The following ZHX3 variants were observed in gnomAD, a reference collection of about 807,000 sequenced individuals.
ZHX3 encodes zinc fingers and homeoboxes protein 3.
ZHX3 carries 20 observed loss-of-function variants against 64.5 expected under a neutral mutation model. The ratio of observed to expected loss-of-function variants is 0.31; its 90% CI spans 0.22 to 0.45. The LOEUF (loss-of-function observed/expected upper bound fraction) is 0.45. ZHX3 is among the 20% of genes least tolerant of loss of function. ZHX3 has a pLI of 1.00. For synonymous variants in ZHX3, 423 were observed against 461.6 expected (o/e 0.92, Z 1.07); for missense variants, 1,041 against 1,195.8 (o/e 0.87, Z 1.91).
intron 3 of ZHX3, among the ~76,000 whole-genome samples, chr20:41,186,433 T>C (rs1159483199): frequency 6.6e-6 from 1 of 152,232 alleles, no homozygotes; most frequent in East Asian, 1.9e-4. Context: ...TTGGCTACTG[T>C]GAATAATGCC....
chr20:41,275,920 AATT>A (rs1282640008), intron 1 of ZHX3, among the ~76,000 whole-genome samples: 2 of 152,232 alleles, frequency 1.3e-5, no homozygotes, highest in African/African-American at 4.8e-5. Flanking sequence ...AATAAAAATA[AATT>A]TATAAAAACA....
At chr20:41,267,121 A>T (rs966180875) in intron 2 of ZHX3, among the ~76,000 whole-genome samples, 5 of 152,264 alleles carry the variant, frequency 3.3e-5, no homozygotes, top group African/African-American at 4.8e-5. Flanking sequence ...TGCTGGGATT[A>T]CAGGCGTGAG....
chr20:41,185,984 G>GA lies in ZHX3; in HGVS notation c.2861-784dup, dbSNP rs893224585. ...CATCACATTTCCATGTTGACTTTAAGAAAAAAACCATGGTAAAATATAAAT... is the reference window on the plus strand; with the variant it reads ...CATCACATTTCCATGTTGACTTTAAGAAAAAAAACCATGGTAAAATATAAAT... On this transcript the variant is annotated intron_variant, in intron 3 of 3. Coordinates refer to ENST00000683867, the MANE Select transcript of ZHX3 (RefSeq NM_001384317.1). This position sits in a 1 kb window ranked among gnomAD's most constrained non-coding sequence, Gnocchi z 5.0. Among the ~76,000 whole-genome samples, 1 of 152,020 alleles carries GA rather than the reference G, an allele frequency of 6.6e-6. No homozygotes were observed. The highest frequency in any genetic ancestry group is 6.5e-5 in the Admixed American group (1 of 15,280).
In ZHX3 at chr20:41,202,913, A is replaced by G; in HGVS notation, c.2004T>C (p.Asn668=). 1.2e-6 allele frequency: 2 copies of G among 1,613,956 alleles called. No homozygotes were observed. The highest frequency in any genetic ancestry group is 1.7e-6 in the Non-Finnish European group (2 of 1,180,004). Residue 668 remains asparagine (N), a synonymous_variant, in exon 3 of 4, where the codon AAT becomes AAC. Transcript: ENST00000683867. This position sits in a 1 kb window ranked among gnomAD's most constrained non-coding sequence, Gnocchi z 7.0. ...CCTCAGCCTTCTTGGTCTCCTCAGC[A>G]TTCACTTTTTTCCGTCTCTCTGAAA... is the stretch of plus-strand genomic sequence containing the variant. ...SWFSERRKKV[N]AEETKKAEEN... is the part of the protein sequence containing the mutation.
At chr20:41,240,511 G>A (rs2041309398) in intron 2 of ZHX3, among the ~76,000 whole-genome samples, 1 of 152,042 alleles carries the variant, frequency 6.6e-6, no homozygotes, top group Non-Finnish European at 1.5e-5. Context: ...GGAATTCATC[G>A]CCTCAAGTAT....
chr20:41,218,100 G>A (rs988627283), intron 2 of ZHX3, among the ~76,000 whole-genome samples: 8 of 151,810 alleles, frequency 5.3e-5, no homozygotes, highest in South Asian at 2.1e-4. Context: ...CTATGGTTCC[G>A]TCATTGCATT....
chr20:41,200,075 C>T lies in ZHX3; in HGVS notation c.2860+1982G>A, dbSNP rs2038094159. ...AACAGTCTGCACCAGGAACATTTTC[C>T]ACAGTTGCCTGCTGCAGAGCTTGCG... On this transcript the variant is annotated intron_variant, in intron 3 of 3. Transcript: ENST00000683867. This position sits in a 1 kb window ranked among gnomAD's most constrained non-coding sequence, Gnocchi z 4.2. Among the ~76,000 whole-genome samples, 1 of 151,848 alleles carries T rather than the reference C, an allele frequency of 6.6e-6. No homozygotes were observed. Among genetic ancestry groups the T allele is most frequent in the Non-Finnish European group, 1.5e-5 (1 of 68,018 alleles).
intron 2 of ZHX3, among the ~76,000 whole-genome samples, chr20:41,215,770 TAAAAA>T (rs55922605): frequency 7.9e-5 from 8 of 101,166 alleles, no homozygotes; most frequent in African/African-American, 3.1e-4. Context: ...ACGTCTCTAC[TAAAAA>T]AAAAAAAAAA....
chr20:41,217,561 A>G (rs1351299949), intron 2 of ZHX3, among the ~76,000 whole-genome samples: 2 of 152,182 alleles, frequency 1.3e-5, no homozygotes, highest in African/African-American at 2.4e-5. Context: ...CAAAAATCAG[A>G]TGCAGCCACC....
At chr20:41,301,123 G>A (rs2044786710) in intron 1 of ZHX3, among the ~76,000 whole-genome samples, 1 of 152,170 alleles carries the variant, frequency 6.6e-6, no homozygotes, top group South Asian at 2.1e-4. Context: ...CAGGAAGCCT[G>A]GCTAAGAACA....
intron 2 of ZHX3, among the ~76,000 whole-genome samples, chr20:41,223,151 A>G (rs2040058094): frequency 6.6e-6 from 1 of 152,206 alleles, no homozygotes; most frequent in Non-Finnish European, 1.5e-5. Context: ...GGCTTGAAAC[A>G]TTGGATAATA....
At chr20:41,264,033 A>C (rs1234904541) in intron 2 of ZHX3, among the ~76,000 whole-genome samples, 1 of 152,180 alleles carries the variant, frequency 6.6e-6, no homozygotes, top group African/African-American at 2.4e-5. Flanking sequence ...GATAAAACTA[A>C]ATAGATGAGT....
chr20:41,183,360 GC>G lies in ZHX3; in HGVS notation c.*1830del, dbSNP rs1478642429. 6.6e-6 allele frequency: 1 copy of G among 152,218 alleles called. No individual in the cohort carries two copies. Among genetic ancestry groups the G allele is most frequent in the Admixed American group, 6.5e-5 (1 of 15,276 alleles). The allele number at this position is 152,218 out of a possible 1,614,324, so 9.4% of individuals were successfully genotyped here. A position where few individuals can be genotyped will look rare whatever the true frequency, so the allele number is the denominator to read the frequency against. On this transcript the variant is annotated 3_prime_UTR_variant, in exon 4 of 4. Transcript: ENST00000683867. The surrounding 1 kb of genome is among the most constrained non-coding windows in gnomAD (Gnocchi z 5.3). The stretch of plus-strand genomic sequence containing the variant: ...AATACAAAAATAGGCTGCAAAACTT[GC>G]CAAGTACTCACAAGTCCCTGTTTGA...
chr20:41,223,848 G>A (rs1053178847), intron 2 of ZHX3, among the ~76,000 whole-genome samples: 2 of 152,306 alleles, frequency 1.3e-5, no homozygotes, highest in Middle Eastern at 3.4e-3. Flanking sequence ...TCAGAGTAGA[G>A]GTCCTTACAG....
chr20:41,310,891 C>T (rs970942265), intron 1 of ZHX3, among the ~76,000 whole-genome samples: 11 of 149,896 alleles, frequency 7.3e-5, no homozygotes, highest in Non-Finnish European at 1.2e-4. Context: ...TCACTGCAAC[C>T]TCCCCCTCCC....
At chr20:41,222,119 A>G (rs2039984136) in intron 2 of ZHX3, among the ~76,000 whole-genome samples, 1 of 152,248 alleles carries the variant, frequency 6.6e-6, no homozygotes, top group Non-Finnish European at 1.5e-5. Flanking sequence ...AACTTGTCAG[A>G]CATCAATCTA....
rs751307556 is a variant in ZHX3 at position 41,202,813 on chromosome 20, C to T, written c.2104G>A (p.Val702Ile). Residue 702 changes from valine to isoleucine, a missense_variant, in exon 3 of 4, where the codon GTC (valine) becomes ATC (isoleucine). Coordinates refer to ENST00000683867, the MANE Select transcript of ZHX3 (RefSeq NM_001384317.1). This position sits in a 1 kb window ranked among gnomAD's most constrained non-coding sequence, Gnocchi z 7.0. ...GEEDLASELR[V>I]SGENGSLEMP... is the part of the protein sequence containing the mutation. Reference sequence around the variant, plus strand: ...TCCAGAGAGCCATTTTCACCAGAGACCCTTAGCTCACTGGCCAAATCCTCT... The same window carrying T: ...TCCAGAGAGCCATTTTCACCAGAGATCCTTAGCTCACTGGCCAAATCCTCT... 1.2e-6 allele frequency: 2 copies of T among 1,614,036 alleles called. No homozygotes were observed. The highest frequency in any genetic ancestry group is 1.7e-6 in the Non-Finnish European group (2 of 1,180,036).
intron 1 of ZHX3, among the ~76,000 whole-genome samples, chr20:41,276,664 A>T (rs974437793): frequency 6.6e-6 from 1 of 152,084 alleles, no homozygotes; most frequent in Non-Finnish European, 1.5e-5. Context: ...GGCTCACTTT[A>T]GTTTTGTTTT....
At chr20:41,199,699 ACT>A (rs1491503442) in intron 3 of ZHX3, among the ~76,000 whole-genome samples, 2 of 141,194 alleles carry the variant, frequency 1.4e-5, no homozygotes, top group Non-Finnish European at 3.1e-5. Context: ...AAATCAAAAA[ACT>A]CTTTTTTTTT....
Sources: allele counts gnomAD v4.1 joint callset (sites outside exome capture counted in the v4.1 genomes callset), GRCh38; gene constraint gnomAD v4.1.1; non-coding constraint Gnocchi (gnomAD v3.1); transcripts MANE v1.5; gene names NCBI Gene and HGNC (gene_info 2026-07-23, HGNC 2026-07-21).